Variants in FRMPD1 observed in about 807,000 individuals in gnomAD.
The protein encoded by FRMPD1 is FERM and PDZ domain containing 1, also known as FERM and PDZ domain-containing protein 1.
In FRMPD1, 76 loss-of-function variants were observed where a neutral mutation model predicts 117.8. The observed-to-expected ratio is 0.65, with a 90% CI of 0.54 to 0.78. FRMPD1 has a LOEUF of 0.78. FRMPD1 is among the 30% of genes least tolerant of loss of function. The pLI, the probability that FRMPD1 is intolerant of heterozygous loss-of-function variation, is 0.00. For synonymous variants in FRMPD1, 783 were observed against 770.4 expected (o/e 1.02, Z -0.27); for missense variants, 1,786 against 1,964.5 (o/e 0.91, Z 1.72).
At chr9:37,627,201 C>T in the FRMPD1 span, among the ~76,000 whole-genome samples, 2 of 152,126 alleles carry the variant, frequency 1.3e-5, no homozygotes, top group African/African-American at 2.4e-5. Context: ...ACCTCAATTT[C>T]CCAAGTTGCA....
rs1312525557 is a variant in FRMPD1 at position 37,724,239 on chromosome 9, G to T, written c.531G>T (p.Leu177=). ...ISGHSQGNSL[L]CMPNVLKLYL... ...GTGTTTTCCAGGGTAATTCTCTGCT[G>T]TGTATGCCCAACGTGCTCAAGCTAT... Residue 177 remains leucine (L), a synonymous_variant, in exon 7 of 16, where the codon CTG becomes CTT. Coordinates refer to ENST00000377765, the MANE Select transcript of FRMPD1 (RefSeq NM_014907.3). 1 of 1,583,502 alleles carries T rather than the reference G, an allele frequency of 6.3e-7. No individual in the cohort carries two copies. Among genetic ancestry groups the T allele is most frequent in the South Asian group, 1.1e-5 (1 of 90,486 alleles).
intron 1 of FRMPD1, among the ~76,000 whole-genome samples, chr9:37,681,008 G>A (rs115404510): frequency 0.03 from 4,564 of 152,058 alleles, 110 homozygotes; most frequent in African/African-American, 0.066. Context: ...CCAGGAGTTC[G>A]AGACCAGCTG....
chr9:37,636,811 C>T, the FRMPD1 span: 5 of 1,612,042 alleles, frequency 3.1e-6, no homozygotes, highest in Middle Eastern at 1.7e-4. Flanking sequence ...TGGTCATGAA[C>T]GCCTGCTCGA....
intron 2 of FRMPD1, among the ~76,000 whole-genome samples, chr9:37,705,775 A>G (rs1220684778): frequency 6.6e-6 from 1 of 151,986 alleles, no homozygotes; most frequent in East Asian, 1.9e-4. Flanking sequence ...CAGAAGATTG[A>G]GACCAGCCTG....
the FRMPD1 span, among the ~76,000 whole-genome samples, chr9:37,626,925 T>C: frequency 0.91 from 138,902 of 152,186 alleles, 64,785 homozygotes; most frequent in East Asian, 1. Context: ...GTTCGAGCAG[T>C]ACTGGTTTAG....
the FRMPD1 span, among the ~76,000 whole-genome samples, chr9:37,623,666 G>A: frequency 3.9e-5 from 6 of 152,114 alleles, no homozygotes; most frequent in Non-Finnish European, 2.9e-5. Context: ...TTATGCACTC[G>A]AGAGTCACTG....
rs1270261612 is a variant in FRMPD1, at chr9:37,744,953, C to G, written c.2921C>G (p.Pro974Arg). The stretch of plus-strand genomic sequence containing the variant: ...GCAAGCACTCCTCACTGTTCTAACC[C>G]AGGTTCATCTGGCCCAGATACTGCT... ...SSASTPHCSN[P>R]GSSGPDTAQA... Residue 974 changes from proline (P) to arginine (R), a missense_variant, in exon 16 of 16, where the codon CCA (proline) becomes CGA (arginine). Pro to Arg is a moderately radical substitution (Grantham distance 103, BLOSUM62 -2). Coordinates refer to ENST00000377765, the MANE Select transcript of FRMPD1 (RefSeq NM_014907.3). 6.2e-6 allele frequency: 10 copies of G among 1,614,070 alleles called. No homozygotes were observed. The highest frequency in any genetic ancestry group is 2.7e-5 in the African/African-American group (2 of 74,928).
intron 13 of FRMPD1, among the ~76,000 whole-genome samples, chr9:37,736,787 G>GAGTC (rs1426325886): frequency 6.6e-6 from 1 of 152,088 alleles, no homozygotes; most frequent in Non-Finnish European, 1.5e-5. Flanking sequence ...AGAGGATGAG[G>GAGTC]AGTCAGAAGA....
the FRMPD1 span, among the ~76,000 whole-genome samples, chr9:37,642,654 G>T: frequency 3.3e-5 from 5 of 151,942 alleles, no homozygotes; most frequent in Non-Finnish European, 7.4e-5. Flanking sequence ...TTCCTCCTTC[G>T]GTAAGCTATT....
chr9:37,655,909 A>G (rs916012775), intron 1 of FRMPD1, among the ~76,000 whole-genome samples: 1 of 152,068 alleles, frequency 6.6e-6, no homozygotes. Context: ...CTATGCCTGA[A>G]GGCTAAGCTC....
intron 6 of FRMPD1, among the ~76,000 whole-genome samples, chr9:37,723,133 A>G (rs1226353779): frequency 1.8e-4 from 27 of 152,138 alleles, no homozygotes. Context: ...CAGGGAATGC[A>G]GCAATAAAAT....
At chr9:37,731,321 TC>T (rs1823870207) in intron 9 of FRMPD1, among the ~76,000 whole-genome samples, 1 of 152,220 alleles carries the variant, frequency 6.6e-6, no homozygotes, top group South Asian at 2.1e-4. Context: ...TCAGGCTCAG[TC>T]CTCAATGTAG....
the FRMPD1 span, among the ~76,000 whole-genome samples, chr9:37,621,330 A>C: frequency 6.6e-6 from 1 of 152,218 alleles, no homozygotes; most frequent in Non-Finnish European, 1.5e-5. Context: ...GACCACCCAG[A>C]GGAACTCAAA....
At chr9:37,689,001 A>G (rs528714695) in intron 1 of FRMPD1, among the ~76,000 whole-genome samples, 1 of 152,246 alleles carries the variant, frequency 6.6e-6, no homozygotes, top group South Asian at 2.1e-4. Flanking sequence ...GGTTTATAAT[A>G]GAAATCAGCA....
In FRMPD1 at chr9:37,741,363, T is replaced by C. The variant is rs373649069; in HGVS notation, c.2356+479T>C. ...CCCTGACATCAGAAGGTAGGGGATC[T>C]GGTGGCTGTGTTTCTATCAGGTTCC... On this transcript the variant is annotated intron_variant, in intron 15 of 15. Transcript: ENST00000377765. Among the ~76,000 whole-genome samples, 467 of 151,302 alleles carry C rather than the reference T, an allele frequency of 3.1e-3. 4 individuals are homozygous for C. The highest frequency in any genetic ancestry group is 0.011 in the African/African-American group (447 of 41,132).
At chr9:37,628,094 G>A in the FRMPD1 span, among the ~76,000 whole-genome samples, 1 of 152,188 alleles carries the variant, frequency 6.6e-6, no homozygotes, top group African/African-American at 2.4e-5. Flanking sequence ...ATGCTGTTTT[G>A]CACATAATAG....
intron 5 of FRMPD1, among the ~76,000 whole-genome samples, chr9:37,716,481 T>G (rs572659983): frequency 6.6e-6 from 1 of 152,338 alleles, no homozygotes; most frequent in South Asian, 2.1e-4. Context: ...GGGAACCTCC[T>G]CTTCCTAAGT....
chr9:37,696,174 G>T (rs1329871430), intron 2 of FRMPD1, among the ~76,000 whole-genome samples: 6 of 148,242 alleles, frequency 4.0e-5, no homozygotes, highest in Non-Finnish European at 8.9e-5. Flanking sequence ...TTTATGACAG[G>T]TCCTTCTTCA....
rs760286622 is a variant in FRMPD1 at position 37,746,123 on chromosome 9, C to A, written c.4091C>A (p.Ala1364Asp). 2.5e-6 allele frequency: 4 copies of A among 1,614,100 alleles called. No homozygotes were observed. Among genetic ancestry groups the A allele is most frequent in the South Asian group, 1.1e-5 (1 of 91,080 alleles). ...AGGGACTTGGAAGCACACCCCATGG[C>A]CCCCCTCACCTCACCGCCCTCTGCG... is the stretch of plus-strand genomic sequence containing the variant. ...EDRDLEAHPM[A>D]PLTSPPSAGS... is the part of the protein sequence containing the mutation. Residue 1364 changes from alanine (A) to aspartate (D), a missense_variant, in exon 16 of 16, where the codon GCC becomes GAC. Ala to Asp is a moderately radical substitution (Grantham distance 126). Transcript: ENST00000377765.
Sources: gnomAD v4.1 joint callset for allele counts (sites outside exome capture counted in the v4.1 genomes callset) on GRCh38, gnomAD v4.1.1 for gene constraint, MANE v1.5 for transcripts, NCBI Gene and HGNC (gene_info 2026-07-23, HGNC 2026-07-21) for gene names.